The following SLC9A1 variants were observed in gnomAD, a reference collection of about 807,000 sequenced individuals.
SLC9A1 encodes the protein sodium/hydrogen exchanger 1.
In SLC9A1, 22 loss-of-function variants were observed where a neutral mutation model predicts 67.9. The ratio of observed to expected loss-of-function variants is 0.32; its 90% CI spans 0.23 to 0.46. The LOEUF (loss-of-function observed/expected upper bound fraction) is 0.46, where lower values mean the gene tolerates loss of function less well. SLC9A1 is among the 20% of genes least tolerant of loss of function. The pLI, the probability that SLC9A1 is intolerant of heterozygous loss-of-function variation, is 1.00. For missense variants in SLC9A1, 686 were observed against 1,094.8 expected (o/e 0.63, Z 5.27); for synonymous variants, 421 against 471.8 (o/e 0.89, Z 1.40).
chr1:27,147,239 G>A lies in SLC9A1; in HGVS notation c.352+6744C>T, dbSNP rs141032634. Among the ~76,000 whole-genome samples, 630 of 138,606 alleles carry A rather than the reference G, an allele frequency of 4.5e-3. 2 individuals carry two copies. Among genetic ancestry groups the A allele is most frequent in the African/African-American group, 0.016 (595 of 36,690 alleles). The allele number at this position is 138,606 out of a possible 152,430, so 90.9% of individuals were successfully genotyped here. A position where few individuals can be genotyped will look rare whatever the true frequency, so the allele number is the denominator to read the frequency against. On this transcript the variant is annotated intron_variant, in intron 1 of 11. Coordinates refer to ENST00000263980, the MANE Select transcript of SLC9A1 (RefSeq NM_003047.5). ...CACTTGAACCCGGGAGGCGGAGGTT[G>A]CAGTGAGCTGAGATCATGCCTCTGC... is the stretch of plus-strand genomic sequence containing the variant.
chr1:27,102,208 C>A (rs2083151291), intron 8 of SLC9A1, 78 bp from the exon 9 acceptor site: 1 of 1,412,644 alleles, frequency 7.1e-7, no homozygotes, highest in South Asian at 1.2e-5. Context: ...AGAAGGAAGT[C>A]ACCCTAGGGA....
chr1:27,100,574 G>A lies in SLC9A1; in HGVS notation c.2181C>T (p.Pro727=), dbSNP rs545801890. ...CTTCATTCACCAGGTCCACAGACTC[G>A]GGTGACTGCGGGGAAGCCGGGTCGA... is the stretch of plus-strand genomic sequence containing the variant. The part of the protein sequence containing the change: ...ITIDPASPQS[P]ESVDLVNEEL... The change falls in exon 12 of 12, where the codon CCC becomes CCT. Residue 727 remains proline, a synonymous_variant. Coordinates refer to ENST00000263980, the MANE Select transcript of SLC9A1 (RefSeq NM_003047.5). This position sits in a 1 kb window ranked among gnomAD's most constrained non-coding sequence, Gnocchi z 5.6. 90 of 1,613,796 alleles carry A rather than the reference G, an allele frequency of 5.6e-5. No individual in the cohort carries two copies. The Admixed American group carries it at 6.7e-4, about 12-fold the overall frequency.
chr1:27,102,404 C>T lies in SLC9A1; in HGVS notation c.1801G>A (p.Val601Ile), dbSNP rs533116161. The part of the protein sequence containing the change: ...SGGMGKIPSA[V>I]STVSMQNIHP... ...ACTCACTGCATGGAGACGGTGGAGA[C>T]GGCAGAGGGGATCTTGCCCATGCCC... The change falls in exon 8 of 12, where the codon GTC (valine) becomes ATC (isoleucine). Residue 601 changes from valine (V) to isoleucine (I), a missense_variant. By Grantham distance (29) the Val-to-Ile change is conservative (BLOSUM62 3). Coordinates refer to ENST00000263980, the MANE Select transcript of SLC9A1 (RefSeq NM_003047.5). The T allele has an allele frequency of 1.9e-5, 31 of 1,597,814 alleles. No homozygotes were observed. The highest frequency in any genetic ancestry group is 2.3e-5 in the Non-Finnish European group (27 of 1,168,356).
At position 27,101,714 on chromosome 1, in the gene SLC9A1, G is replaced by A. The variant is rs1200952987; in HGVS notation, c.2037+11C>T. 1 of 1,593,680 alleles carries A rather than the reference G, an allele frequency of 6.3e-7. No individual in the cohort carries two copies. The highest frequency in any genetic ancestry group is 1.7e-5 in the Admixed American group (1 of 59,328). On this transcript the variant is annotated intron_variant, in intron 10 of 11. Transcript: ENST00000263980. This position sits in a 1 kb window ranked among gnomAD's most constrained non-coding sequence, Gnocchi z 4.9. ...GTGGGATACAGATTCCCAGAGGAAG[G>A]CAGAGGCTACCTTCTGCTCCAGCTG...
In SLC9A1 at chr1:27,114,853, A is replaced by T. The variant is rs2083254718; in HGVS notation, c.353-567T>A. On this transcript the variant is annotated intron_variant, in intron 1 of 11. Transcript: ENST00000263980. The surrounding 1 kb of genome is among the most constrained non-coding windows in gnomAD (Gnocchi z 5.4). Reference sequence around the variant, plus strand: ...AGAAAGCACAGAAGAATCTAAGAATACCAGCGTGGGAAGGAACTTGGGGAT... The same window carrying T: ...AGAAAGCACAGAAGAATCTAAGAATTCCAGCGTGGGAAGGAACTTGGGGAT... Among the ~76,000 whole-genome samples, 1 of 152,136 alleles carries T rather than the reference A, an allele frequency of 6.6e-6. No individual in the cohort carries two copies. Among genetic ancestry groups the T allele is most frequent in the African/African-American group, 2.4e-5 (1 of 41,412 alleles).
intron 2 of SLC9A1, among the ~76,000 whole-genome samples, chr1:27,112,014 G>A (rs1371765927): frequency 1.3e-5 from 2 of 152,142 alleles, no homozygotes; most frequent in Non-Finnish European, 2.9e-5. Flanking sequence ...AGATCCCACT[G>A]GAGAGGGCTT....
intron 1 of SLC9A1, among the ~76,000 whole-genome samples, chr1:27,143,637 C>T (rs1376639947): frequency 6.6e-6 from 1 of 152,168 alleles, no homozygotes. Context: ...CTGGAATGAC[C>T]GCCTTTCCCA....
chr1:27,111,412 T>A (rs1302178744), intron 2 of SLC9A1, among the ~76,000 whole-genome samples: 1 of 152,186 alleles, frequency 6.6e-6, no homozygotes, highest in Admixed American at 6.5e-5. Context: ...TATATCAGGC[T>A]TATGTAACCT....
chr1:27,100,256 C>A lies in SLC9A1; in HGVS notation c.*51G>T. 7.3e-7 allele frequency: 1 copy of A among 1,374,092 alleles called. No individual in the cohort carries two copies. The allele number at this position is 1,374,092 out of a possible 1,614,324, so 85.1% of individuals were successfully genotyped here. A position where few individuals can be genotyped will look rare whatever the true frequency, so the allele number is the denominator to read the frequency against. ...CAAGGGGAGCCCCCAGCAGCCCCTG[C>A]TCTGGTGGAAGAGTCTGTGAGGGGA... On this transcript the variant is annotated 3_prime_UTR_variant, in exon 12 of 12. Transcript: ENST00000263980. The surrounding 1 kb of genome is among the most constrained non-coding windows in gnomAD (Gnocchi z 5.6).
Position 27,118,251 on chromosome 1 carries a change from G to A in SLC9A1, c.353-3965C>T, listed in dbSNP as rs549340936. ...GCTCTCTGGGCCTGAGGGGAGGGCC[G>A]GGCCGGGCCAGGCTGAGGAGAAAGG... On this transcript the variant is annotated intron_variant, in intron 1 of 11. Transcript: ENST00000263980. This position sits in a 1 kb window ranked among gnomAD's most constrained non-coding sequence, Gnocchi z 4.3. 6.6e-6 allele frequency among the ~76,000 whole-genome samples: 1 copy of A among 152,306 alleles called. No individual in the cohort carries two copies. Among genetic ancestry groups the A allele is most frequent in the Non-Finnish European group, 1.5e-5 (1 of 68,028 alleles).
intron 4 of SLC9A1, among the ~76,000 whole-genome samples, chr1:27,107,393 C>G (rs1176109985): frequency 6.7e-6 from 1 of 149,384 alleles, no homozygotes; most frequent in East Asian, 2.0e-4. Flanking sequence ...CCTCCACACA[C>G]TACACACACA....
chr1:27,101,219 C>T lies in SLC9A1; in HGVS notation c.2094G>A (p.Arg698=), dbSNP rs763708808. The change falls in exon 11 of 12, where the codon CGG becomes CGA. Residue 698 remains arginine (R), a synonymous_variant. Coordinates refer to ENST00000263980, the MANE Select transcript of SLC9A1 (RefSeq NM_003047.5). This position sits in a 1 kb window ranked among gnomAD's most constrained non-coding sequence, Gnocchi z 4.9. ...GGCCCTTACCTGAGCCGATGCGGGC[C>T]CGAGACATGGTGGGTGAGTCCAGCT... is the stretch of plus-strand genomic sequence containing the variant. ...AHKLDSPTMS[R]ARIGSDPLAY... The T allele has an allele frequency of 3.1e-6, 5 of 1,611,462 alleles. No individual in the cohort carries two copies. Among genetic ancestry groups the T allele is most frequent in the Non-Finnish European group, 4.2e-6 (5 of 1,179,958 alleles).
intron 1 of SLC9A1, among the ~76,000 whole-genome samples, chr1:27,126,282 T>C (rs2083343269): frequency 6.6e-6 from 1 of 152,110 alleles, no homozygotes; most frequent in Admixed American, 6.6e-5. Flanking sequence ...CACTGTTGTA[T>C]CCCTGGCACC....
chr1:27,147,299 C>CAA (rs57583944), intron 1 of SLC9A1, among the ~76,000 whole-genome samples: 436 of 43,580 alleles, frequency 0.01, 15 homozygotes, highest in African/African-American at 0.018. Flanking sequence ...GACTCTGTCT[C>CAA]AAAAAAAAAA....
Position 27,109,397 on chromosome 1 carries a change from G to A in SLC9A1, c.1064+130C>T. On this transcript the variant is annotated intron_variant, in intron 3 of 11. Transcript: ENST00000263980. The surrounding 1 kb of genome is among the most constrained non-coding windows in gnomAD (Gnocchi z 5.5). ...CTACCAAGCAGGTCTGGAGCCTGGA[G>A]TTCATGTCTCATCCCTGGAGCTCAA... The A allele has an allele frequency of 3.0e-6, 3 of 1,006,492 alleles. No homozygotes were observed. The highest frequency in any genetic ancestry group is 3.0e-6 in the Non-Finnish European group (2 of 667,614). 62.3% of individuals were successfully genotyped at this position (1,006,492 alleles called of 1,614,324 possible). A position where few individuals can be genotyped will look rare whatever the true frequency, so the allele number is the denominator to read the frequency against.
chr1:27,119,049 A>G (rs957126761), intron 1 of SLC9A1, among the ~76,000 whole-genome samples: 27 of 135,488 alleles, frequency 2.0e-4, no homozygotes, highest in Admixed American at 7.9e-4. Flanking sequence ...ACGAACACAC[A>G]CACACACACA....
Position 27,102,130 on chromosome 1 carries a change from C to CCTGGG in SLC9A1, c.1821-5_1821-1dup (p.Gln607HisfsTer31). ...AAGGCAGGGACTTGGGGTGGATGTT[C>CCTGGG]CTGGGGCAATAGGGCATCGGTTAGG... is the stretch of plus-strand genomic sequence containing the variant. On this transcript the variant is annotated frameshift_variant and splice_region_variant. Coordinates refer to ENST00000263980, the MANE Select transcript of SLC9A1 (RefSeq NM_003047.5). LOFTEE classifies it high-confidence loss of function. 1 of 1,611,814 alleles carries CCTGGG rather than the reference C, an allele frequency of 6.2e-7. No homozygotes were observed. Among genetic ancestry groups the CCTGGG allele is most frequent in the Non-Finnish European group, 8.5e-7 (1 of 1,178,000 alleles).
rs267598532 is a variant in SLC9A1 at position 27,109,631 on chromosome 1, G to A, written c.960C>T (p.Ser320=). 1.2e-6 allele frequency: 2 copies of A among 1,613,876 alleles called. No individual in the cohort carries two copies. The highest frequency in any genetic ancestry group is 8.5e-7 in the Non-Finnish European group (1 of 1,179,964). The change falls in exon 3 of 12, where the codon TCC becomes TCT. Residue 320 remains serine (S), a synonymous_variant. Transcript: ENST00000263980. This position sits in a 1 kb window ranked among gnomAD's most constrained non-coding sequence, Gnocchi z 5.5. The part of the protein sequence containing the change: ...VVYGVIAAFT[S]RFTSHIRVIE... ...TGACCCGGATGTGGGAGGTAAATCG[G>A]GAGGTGAAGGCTGCGATGACCCCGT...
chr1:27,125,386 C>T (rs2083336259), intron 1 of SLC9A1, among the ~76,000 whole-genome samples: 1 of 146,214 alleles, frequency 6.8e-6, no homozygotes, highest in Non-Finnish European at 1.5e-5. Flanking sequence ...GCTGGCATTA[C>T]AGGCACATGC....
Sources: allele counts gnomAD v4.1 joint callset (sites outside exome capture counted in the v4.1 genomes callset), GRCh38; gene constraint gnomAD v4.1.1; non-coding constraint Gnocchi (gnomAD v3.1); transcripts MANE v1.5; gene names NCBI Gene and HGNC (gene_info 2026-07-23, HGNC 2026-07-21).